Variants in DPP6 observed in about 807,000 individuals in gnomAD.
The protein encoded by DPP6 is A-type potassium channel modulatory protein DPP6.
DPP6 carries 69 observed loss-of-function variants against 122.6 expected under a neutral mutation model. That is an observed-to-expected ratio of 0.56 (90% CI 0.46 to 0.69). The LOEUF (loss-of-function observed/expected upper bound fraction) is 0.69, where lower values mean the gene tolerates loss of function less well. DPP6 is among the 30% of genes least tolerant of loss of function. The pLI is 0.00. For missense variants in DPP6, 928 were observed against 1,116.9 expected (o/e 0.83, Z 2.41); for synonymous variants, 418 against 433.1 (o/e 0.97, Z 0.43).
At position 154,127,652 on chromosome 7, in the gene DPP6, GACACACACACACACAC is replaced by G. The variant is rs66703506; in HGVS notation, c.243+74599_243+74614del. On this transcript the variant is annotated intron_variant, in intron 1 of 25. Transcript: ENST00000377770. ...ACACACAGACACACACACACACACAGACACACACACACACACACACACACAAAACAGCTCTTTCTGA... is the reference window on the plus strand; with the variant it reads ...ACACACAGACACACACACACACACAGACACACACAAAACAGCTCTTTCTGA... Among the ~76,000 whole-genome samples, 32 of 79,174 alleles carry G rather than the reference GACACACACACACACAC, an allele frequency of 4.0e-4. 1 individual carries two copies. The South Asian group carries it at 0.011, about 28-fold the overall frequency. 51.9% of individuals were successfully genotyped at this position (79,174 alleles called of 152,430 possible).
chr7:153,992,398 C>T (rs908614099), intron 1 of DPP6, among the ~76,000 whole-genome samples: 1 of 151,850 alleles, frequency 6.6e-6, no homozygotes, highest in Non-Finnish European at 1.5e-5. Context: ...ATCTTTGACA[C>T]TTATAATATC....
chr7:154,053,512 C>A (rs1483715218), intron 1 of DPP6, among the ~76,000 whole-genome samples: 1 of 150,982 alleles, frequency 6.6e-6, no homozygotes, highest in African/African-American at 2.4e-5. Context: ...TGGAATCTCT[C>A]CATCGTGCCC....
intron 1 of DPP6, among the ~76,000 whole-genome samples, chr7:154,008,109 T>G (rs1181999892): frequency 1.3e-5 from 2 of 152,146 alleles, no homozygotes; most frequent in Non-Finnish European, 2.9e-5. Context: ...ATGAAACCTA[T>G]GCTTTTACTG....
intron 6 of DPP6, among the ~76,000 whole-genome samples, chr7:154,638,740 G>A (rs532268486): frequency 6.6e-6 from 1 of 152,150 alleles, no homozygotes; most frequent in African/African-American, 2.4e-5. Context: ...GATGAAAAAT[G>A]GTTGCAGAAC....
At chr7:154,156,891 G>A (rs180787558) in intron 1 of DPP6, among the ~76,000 whole-genome samples, 417 of 152,390 alleles carry the variant, frequency 2.7e-3, no homozygotes, top group African/African-American at 9.6e-3. Context: ...TATGGGAAAA[G>A]CACTTTAAGC....
intron 4 of DPP6, among the ~76,000 whole-genome samples, chr7:154,563,989 A>C (rs534878405): frequency 1.3e-5 from 2 of 152,314 alleles, no homozygotes; most frequent in South Asian, 4.1e-4. Flanking sequence ...GCACTCCAAC[A>C]TTCAGAGCTC....
intron 1 of DPP6, among the ~76,000 whole-genome samples, chr7:154,214,188 G>T (rs762586973): frequency 5.3e-5 from 8 of 152,190 alleles, no homozygotes; most frequent in South Asian, 2.1e-4. Context: ...ATGTGTTTAG[G>T]TTCAGAATGA....
chr7:154,568,631 A>G (rs147755060), intron 5 of DPP6, among the ~76,000 whole-genome samples: 2 of 152,282 alleles, frequency 1.3e-5, no homozygotes, highest in African/African-American at 4.8e-5. Flanking sequence ...CTGGGATCCC[A>G]TTGAACCAGA....
At chr7:153,949,116 G>C (rs570967820) in intron 1 of DPP6, among the ~76,000 whole-genome samples, 1 of 152,354 alleles carries the variant, frequency 6.6e-6, no homozygotes, top group South Asian at 2.1e-4. Flanking sequence ...CAGCTGGGGT[G>C]GTCTCTGCCC....
chr7:154,328,229 G>T (rs1045576258), intron 1 of DPP6, among the ~76,000 whole-genome samples: 5 of 152,174 alleles, frequency 3.3e-5, no homozygotes, highest in African/African-American at 1.2e-4. Context: ...GTGGGAGCAG[G>T]TCTTGCTTCT....
chr7:153,931,168 A>T (rs1801153610), intron 1 of DPP6, among the ~76,000 whole-genome samples: 1 of 152,208 alleles, frequency 6.6e-6, no homozygotes, highest in Admixed American at 6.5e-5. Flanking sequence ...TTCCCATAGA[A>T]TTAAAAACCC....
chr7:154,412,125 C>T (rs955402744), intron 1 of DPP6, among the ~76,000 whole-genome samples: 23 of 152,122 alleles, frequency 1.5e-4, no homozygotes, highest in African/African-American at 5.6e-4. Context: ...TCTCTTTTAT[C>T]AGGGCACTCA....
intron 1 of DPP6, among the ~76,000 whole-genome samples, chr7:154,191,113 G>C (rs1013905370): frequency 1.5e-4 from 23 of 152,268 alleles, no homozygotes; most frequent in African/African-American, 5.5e-4. Context: ...TATTGTTAGG[G>C]GAGTAATTTG....
rs996643724 is a variant in DPP6 at position 153,916,028 on chromosome 7, G to A, written c.51+28294G>A. On this transcript the variant is annotated intron_variant, in intron 1 of 25. Coordinates refer to the DPP6 transcript ENST00000404039. ...GTCGCCCAGGCTGGAGTGCAGTGGC[G>A]CGATCTCTGCTCACTGCAAGCTCTG... Among the ~76,000 whole-genome samples, 25 of 151,056 alleles carry A rather than the reference G, an allele frequency of 1.7e-4. 1 individual carries two copies. The highest frequency in any genetic ancestry group is 1.3e-3 in the South Asian group (6 of 4,758).
At chr7:154,422,648 G>T (rs2151231151) in intron 1 of DPP6, among the ~76,000 whole-genome samples, 3 of 148,138 alleles carry the variant, frequency 2.0e-5, no homozygotes, top group Middle Eastern at 7.0e-3. Context: ...ATGGATAGGT[G>T]AATGGGTAGG....
the DPP6 span, among the ~76,000 whole-genome samples, chr7:153,778,168 T>C: frequency 6.7e-6 from 1 of 150,220 alleles, no homozygotes; most frequent in Non-Finnish European, 1.5e-5. Flanking sequence ...TTGAATACAT[T>C]AGTAAATGCA....
intron 1 of DPP6, among the ~76,000 whole-genome samples, chr7:153,966,192 TGA>T: frequency 6.8e-6 from 1 of 146,308 alleles, no homozygotes; most frequent in East Asian, 2.1e-4. Context: ...TTTCACATTG[TGA>T]GCTGATTAGA....
At chr7:153,887,841 C>A in intron 1 of DPP6, 1 of 1,267,514 alleles carries the variant, frequency 7.9e-7, no homozygotes, top group Non-Finnish European at 1.1e-6. Flanking sequence ...GGAAGGACAG[C>A]GACCCCATGC....
At chr7:154,020,871 G>A (rs1163286979) in intron 1 of DPP6, among the ~76,000 whole-genome samples, 4 of 152,150 alleles carry the variant, frequency 2.6e-5, no homozygotes, top group Admixed American at 2.0e-4. Flanking sequence ...GCAGAGCTGG[G>A]AAAAGGGCAA....
Sources: allele counts gnomAD v4.1 joint callset (sites outside exome capture counted in the v4.1 genomes callset), GRCh38; gene constraint gnomAD v4.1.1; transcripts MANE v1.5; gene names NCBI Gene and HGNC (gene_info 2026-07-23, HGNC 2026-07-21).